The following SS18L1 variants were observed in gnomAD, a reference collection of about 807,000 sequenced individuals.
SS18L1 encodes the protein SS18L1 subunit of BAF chromatin remodeling complex.
A neutral mutation model predicts 70.3 loss-of-function variants in SS18L1; 32 were observed. That is an observed-to-expected ratio of 0.46 (90% confidence interval 0.34 to 0.61). The LOEUF is 0.61. SS18L1 is among the 20% of genes least tolerant of loss of function. SS18L1 has a pLI of 0.01. For missense variants in SS18L1, 430 were observed against 542.1 expected, an observed-to-expected ratio of 0.79 and a Z score of 2.05; for synonymous variants, 237 against 229.7, an observed-to-expected ratio of 1.03 and a Z score of -0.29.
intron 1 of SS18L1, among the ~76,000 whole-genome samples, chr20:62,147,154 G>A (rs1049735807): frequency 6.6e-6 from 1 of 152,172 alleles, no homozygotes; most frequent in Non-Finnish European, 1.5e-5. Context: ...AGGGTCCCGA[G>A]CCTGGCCTGC....
In SS18L1 at chr20:62,181,054, G is replaced by C. The variant is rs2057698922; in HGVS notation, c.*1846G>C. 1.1e-5 allele frequency: 2 copies of C among 189,654 alleles called. No individual in the cohort carries two copies. Among genetic ancestry groups the C allele is most frequent in the South Asian group, 3.9e-4 (2 of 5,130 alleles). The allele number at this position is 189,654 out of a possible 1,614,324, so 11.7% of individuals were successfully genotyped here. On this transcript the variant is annotated 3_prime_UTR_variant, in exon 11 of 11. Coordinates refer to ENST00000331758, the MANE Select transcript of SS18L1 (RefSeq NM_198935.3). ...GGCAGGTAACAGTTCCCATTTTAGA[G>C]ATGAAGAACTGAGGCACAGATTAAA...
In SS18L1 at chr20:62,159,086, T is replaced by C. The variant is rs2057278629; in HGVS notation, c.146+338T>C. On this transcript the variant is annotated intron_variant, in intron 2 of 10. Transcript: ENST00000331758. This position sits in a 1 kb window ranked among gnomAD's most constrained non-coding sequence, Gnocchi z 4.4. ...GAGTCCCTGGCACAGCTGCGAAGCA[T>C]TGCTGCCAGAACTGGGGTAGTTCTG... is the stretch of plus-strand genomic sequence containing the variant. The C allele has an allele frequency of 7.0e-7, 1 of 1,438,486 alleles. No homozygotes were observed. Among genetic ancestry groups the C allele is most frequent in the Non-Finnish European group, 9.3e-7 (1 of 1,077,516 alleles). The allele number at this position is 1,438,486 out of a possible 1,614,324, so 89.1% of individuals were successfully genotyped here. A position where few individuals can be genotyped will look rare whatever the true frequency, so the allele number is the denominator to read the frequency against.
chr20:62,165,459 G>C lies in SS18L1; in HGVS notation c.861G>C (p.Thr287=). Residue 287 remains threonine (T), a synonymous_variant, in exon 8 of 11, where the codon ACG becomes ACC. Transcript: ENST00000331758. ...ACGCCTACCAGCAGTCATCCTACAC[G>C]GAGCAGAGCTACGACCGGTCCTTCG... ...GDYAYQQSSY[T]EQSYDRSFEE... is the part of the protein sequence containing the mutation. 1 of 1,613,220 alleles carries C rather than the reference G, an allele frequency of 6.2e-7. No homozygotes were observed. Among genetic ancestry groups the C allele is most frequent in the African/African-American group, 1.3e-5 (1 of 75,050 alleles).
Position 62,174,496 on chromosome 20 carries a change from C to A in SS18L1, c.1037-21C>A, listed in dbSNP as rs560264245. On this transcript the variant is annotated intron_variant, in intron 9 of 10. Coordinates refer to ENST00000331758, the MANE Select transcript of SS18L1 (RefSeq NM_198935.3). The surrounding 1 kb of genome is among the most constrained non-coding windows in gnomAD (Gnocchi z 4.1). ...GAGGTGTCCGTTTTGGCCGGCCTCACGGTTCCTGGTGTCTTCTCAGGGTCT... is the reference window on the plus strand; with the variant it reads ...GAGGTGTCCGTTTTGGCCGGCCTCAAGGTTCCTGGTGTCTTCTCAGGGTCT... 6.3e-7 allele frequency: 1 copy of A among 1,593,984 alleles called. No homozygotes were observed. Among genetic ancestry groups the A allele is most frequent in the South Asian group, 1.1e-5 (1 of 88,550 alleles).
chr20:62,166,964 G>A (rs948151097), intron 8 of SS18L1, among the ~76,000 whole-genome samples: 16 of 151,352 alleles, frequency 1.1e-4, no homozygotes, highest in Non-Finnish European at 1.8e-4. Flanking sequence ...AAATGGCCAG[G>A]CATGGTGGCT....
chr20:62,171,910 C>G (rs1200698731), intron 8 of SS18L1, among the ~76,000 whole-genome samples: 1 of 152,122 alleles, frequency 6.6e-6, no homozygotes, highest in African/African-American at 2.4e-5. Context: ...CGCCTGTAAT[C>G]CTAGCACTTT....
intron 7 of SS18L1, among the ~76,000 whole-genome samples, chr20:62,164,947 C>T (rs1409532824): frequency 2.6e-5 from 4 of 152,200 alleles, no homozygotes; most frequent in African/African-American, 7.2e-5. Context: ...CTGGATTGAT[C>T]CCTGGGAGGC....
chr20:62,158,639 C>T lies in SS18L1; in HGVS notation c.70-33C>T, dbSNP rs765224872. Reference sequence around the variant, plus strand: ...ATCCCGAGGGTCAGCGACAGCCCCGCGTCGGCAGCGCCCGCTCACGCTCTC... The same window carrying T: ...ATCCCGAGGGTCAGCGACAGCCCCGTGTCGGCAGCGCCCGCTCACGCTCTC... On this transcript the variant is annotated intron_variant, in intron 1 of 10. Coordinates refer to ENST00000331758, the MANE Select transcript of SS18L1 (RefSeq NM_198935.3). This position sits in a 1 kb window ranked among gnomAD's most constrained non-coding sequence, Gnocchi z 4.5. The T allele has an allele frequency of 6.2e-6, 10 of 1,608,464 alleles. No individual in the cohort carries two copies. Among genetic ancestry groups the T allele is most frequent in the Admixed American group, 1.7e-5 (1 of 59,488 alleles).
rs932235041 is a variant in SS18L1, at chr20:62,158,435, A to G, written c.70-237A>G. Reference sequence around the variant, plus strand: ...AATCCAGAACCTTTTGAGCACCAACATGAGGCTCAAAGGAAATGCTCATTG... The same window carrying G: ...AATCCAGAACCTTTTGAGCACCAACGTGAGGCTCAAAGGAAATGCTCATTG... On this transcript the variant is annotated intron_variant, in intron 1 of 10. Coordinates refer to ENST00000331758, the MANE Select transcript of SS18L1 (RefSeq NM_198935.3). The surrounding 1 kb of genome is among the most constrained non-coding windows in gnomAD (Gnocchi z 4.5). Among the ~76,000 whole-genome samples the G allele has an allele frequency of 1.3e-5, 2 of 151,782 alleles. No individual in the cohort carries two copies. The highest frequency in any genetic ancestry group is 6.6e-5 in the Admixed American group (1 of 15,220).
chr20:62,150,278 C>T (rs888234305), intron 1 of SS18L1, among the ~76,000 whole-genome samples: 4 of 152,230 alleles, frequency 2.6e-5, no homozygotes, highest in East Asian at 1.9e-4. Flanking sequence ...TTGCTGACCT[C>T]GGGGGCAGGG....
chr20:62,170,367 G>T (rs1349020453), intron 8 of SS18L1, among the ~76,000 whole-genome samples: 1 of 152,216 alleles, frequency 6.6e-6, no homozygotes, highest in East Asian at 1.9e-4. Context: ...TTAGCTGGGC[G>T]TGGTGGCGGG....
chr20:62,154,077 A>T (rs1165377324), intron 1 of SS18L1, among the ~76,000 whole-genome samples: 3 of 152,178 alleles, frequency 2.0e-5, no homozygotes, highest in Non-Finnish European at 4.4e-5. Flanking sequence ...CTTTGCTGCC[A>T]ACGAGGACAT....
At position 62,180,162 on chromosome 20, in the gene SS18L1, C is replaced by A. The variant is rs1328265263; in HGVS notation, c.*954C>A. On this transcript the variant is annotated 3_prime_UTR_variant, in exon 11 of 11. Transcript: ENST00000331758. ...GCAAGTTGTTTATTTTATATTATTT[C>A]TTCCAGGACCTACTTGCTCAGATCT... The A allele has an allele frequency of 4.8e-6, 1 of 207,948 alleles. No homozygotes were observed. The highest frequency in any genetic ancestry group is 2.3e-5 in the African/African-American group (1 of 43,856). The allele number at this position is 207,948 out of a possible 1,614,324, so 12.9% of individuals were successfully genotyped here.
At chr20:62,178,511 G>T (rs973680429) in intron 10 of SS18L1, among the ~76,000 whole-genome samples, 1 of 152,026 alleles carries the variant, frequency 6.6e-6, no homozygotes, top group Non-Finnish European at 1.5e-5. Flanking sequence ...GCCCAGGCTG[G>T]TCTCAAACTC....
chr20:62,156,105 G>A (rs539466929), intron 1 of SS18L1, among the ~76,000 whole-genome samples: 1 of 152,284 alleles, frequency 6.6e-6, no homozygotes, highest in African/African-American at 2.4e-5. Context: ...CCTGGCCAGT[G>A]CACACCCGCG....
chr20:62,179,067 C>A, intron 10 of SS18L1, 115 bp from the exon 11 acceptor site: 1 of 1,136,448 alleles, frequency 8.8e-7, no homozygotes, highest in Non-Finnish European at 1.3e-6. Context: ...GAGATGTGAG[C>A]AGAGGTTGTT....
chr20:62,177,519 C>T (rs370203772), intron 10 of SS18L1, among the ~76,000 whole-genome samples: 5 of 152,210 alleles, frequency 3.3e-5, no homozygotes, highest in East Asian at 1.9e-4. Context: ...CCCACTTCCT[C>T]GCTGGGGGCA....
intron 1 of SS18L1, among the ~76,000 whole-genome samples, chr20:62,154,945 C>G (rs2057196445): frequency 1.3e-5 from 2 of 152,222 alleles, no homozygotes; most frequent in African/African-American, 4.8e-5. Context: ...TCCCGCCCCT[C>G]TGTTGAATTG....
intron 8 of SS18L1, 128 bp downstream of exon 8, chr20:62,165,642 G>A: frequency 3.5e-6 from 3 of 866,932 alleles, no homozygotes; most frequent in Non-Finnish European, 5.4e-6. Context: ...ACAGCGCGTG[G>A]GAGGAGAGAC....
Sources: allele counts gnomAD v4.1 joint callset (sites outside exome capture counted in the v4.1 genomes callset), GRCh38; gene constraint gnomAD v4.1.1; non-coding constraint Gnocchi (gnomAD v3.1); transcripts MANE v1.5; gene names NCBI Gene and HGNC (gene_info 2026-07-23, HGNC 2026-07-21).